Variants in TUBGCP6 observed in about 807,000 individuals in gnomAD.
TUBGCP6 encodes the protein tubulin gamma complex component 6, also known as gamma-tubulin complex component 6.
Under a neutral mutation model 175.8 loss-of-function variants are expected in TUBGCP6, and 161 were observed. The ratio of observed to expected loss-of-function variants is 0.92; its 90% confidence interval spans 0.81 to 1.04. TUBGCP6 has a LOEUF of 1.04. Among genes scored for constraint, TUBGCP6 ranks in the 50% least tolerant of loss-of-function variants. The pLI, the probability that TUBGCP6 is intolerant of heterozygous loss-of-function variation, is 0.00. For synonymous variants in TUBGCP6, 1,173 were observed against 1,030.5 expected (o/e 1.14, Z -2.65); for missense variants, 2,572 against 2,433.0 (o/e 1.06, Z -1.20).
chr22:50,238,768 A>G (rs1013937386), intron 2 of TUBGCP6, among the ~76,000 whole-genome samples: 1 of 151,936 alleles, frequency 6.6e-6, no homozygotes, highest in Non-Finnish European at 1.5e-5. Flanking sequence ...CGATCTCCTG[A>G]CCTCGTGATC....
chr22:50,235,538 GTC>G (rs1244340443), intron 2 of TUBGCP6, among the ~76,000 whole-genome samples: 2 of 152,362 alleles, frequency 1.3e-5, no homozygotes, highest in African/African-American at 4.8e-5. Context: ...ACAAAACACT[GTC>G]TCCACAGGGA....
intron 3 of TUBGCP6, among the ~76,000 whole-genome samples, chr22:50,232,801 G>C (rs2064710953): frequency 6.6e-6 from 1 of 152,222 alleles, no homozygotes; most frequent in Non-Finnish European, 1.5e-5. Flanking sequence ...AAATGAAAAA[G>C]CTGCAGAGCA....
In TUBGCP6 at chr22:50,229,356, G is replaced by A. The variant is rs756416357; in HGVS notation, c.1290+48C>T. ...TGAGATTCTCTCTTCCAGGTCGTGT[G>A]CACCGTTCTCACAAAGGTGTGTGAC... On this transcript the variant is annotated intron_variant, in intron 4 of 24. Transcript: ENST00000248846. The A allele has an allele frequency of 6.3e-6, 10 of 1,590,824 alleles. No individual in the cohort carries two copies. In the African/African-American group the frequency reaches 1.3e-4, roughly 21 times the overall value.
Position 50,228,043 on chromosome 22 carries a change from G to T in TUBGCP6, c.1291-15C>A. The T allele has an allele frequency of 6.5e-7, 1 of 1,528,924 alleles. No homozygotes were observed. Among genetic ancestry groups the T allele is most frequent in the Non-Finnish European group, 8.8e-7 (1 of 1,134,316 alleles). The allele number at this position is 1,528,924 out of a possible 1,614,324, so 94.7% of individuals were successfully genotyped here. On this transcript the variant is annotated splice_polypyrimidine_tract_variant and intron_variant, in intron 4 of 24. Transcript: ENST00000248846. The stretch of plus-strand genomic sequence containing the variant: ...CTGGTGAAGGCCTGTGGGCAAAGAG[G>T]CTGGGAGGAGGGCGGCCAGGCACAT...
intron 3 of TUBGCP6, among the ~76,000 whole-genome samples, 170 bp downstream of exon 3, chr22:50,233,146 C>T (rs1473696616): frequency 2.6e-5 from 4 of 152,208 alleles, no homozygotes; most frequent in East Asian, 1.9e-4. Flanking sequence ...TTTTTAGAAC[C>T]GAAATGGGAT....
rs187156164 is a variant in TUBGCP6 at position 50,220,132 on chromosome 22, C to T, written c.4109-117G>A. 5 of 1,549,320 alleles carry T rather than the reference C, an allele frequency of 3.2e-6. No homozygotes were observed. The Admixed American group carries it at 5.6e-5, about 17-fold the overall frequency. ...CATGTCCCCCACAGCAGCCCAGGTC[C>T]TGGCTGACAAGGAGGCCTGAGGGGA... On this transcript the variant is annotated intron_variant, in intron 16 of 24. Transcript: ENST00000248846.
Position 50,240,276 on chromosome 22 carries a change from G to A in TUBGCP6, c.833C>T (p.Pro278Leu). ...TGCGGCTTCCCACAGGTCCACGTCT[G>A]GGGTCACGCTGGGCTCAGACTGGGA... Reference protein sequence around the residue: ...PDSQSEPSVTPDVDLWEAALT... With the variant: ...PDSQSEPSVTLDVDLWEAALT... Residue 278 changes from proline (P) to leucine (L), a missense_variant, in exon 2 of 25, where the codon CCA becomes CTA. Physicochemically the swap from Pro to Leu is moderately conservative, Grantham distance 98 (BLOSUM62 -3). Transcript: ENST00000248846. The A allele has an allele frequency of 1.9e-6, 3 of 1,614,006 alleles. No homozygotes were observed. The highest frequency in any genetic ancestry group is 1.1e-5 in the South Asian group (1 of 91,072).
Position 50,229,458 on chromosome 22 carries a change from A to G in TUBGCP6, c.1236T>C (p.His412=), listed in dbSNP as rs137902113. The change falls in exon 4 of 25, where the codon CAT becomes CAC. Residue 412 remains histidine, a synonymous_variant. Transcript: ENST00000248846. The stretch of plus-strand genomic sequence containing the variant: ...AGTCCAGGACGGGCTGCAGAGAGAA[A>G]TGACTCAGGCGCGTGTAGCAGGTCC... ...EYGTCYTRLS[H]FSLQPVLDSL... The G allele has an allele frequency of 2.5e-6, 4 of 1,613,496 alleles. No homozygotes were observed. Among genetic ancestry groups the G allele is most frequent in the African/African-American group, 1.3e-5 (1 of 75,052 alleles).
chr22:50,234,847 C>T (rs936858394), intron 2 of TUBGCP6, among the ~76,000 whole-genome samples: 1 of 149,374 alleles, frequency 6.7e-6, no homozygotes, highest in African/African-American at 2.5e-5. Context: ...CACCCACACC[C>T]CTGTCCCTGG....
At chr22:50,236,667 G>A (rs1445323256) in intron 2 of TUBGCP6, among the ~76,000 whole-genome samples, 3 of 152,224 alleles carry the variant, frequency 2.0e-5, no homozygotes, top group African/African-American at 4.8e-5. Context: ...GGGGGCAGGA[G>A]GAAGGAGACC....
Position 50,225,891 on chromosome 22 carries a change from G to A in TUBGCP6, c.1886C>T (p.Ser629Phe), listed in dbSNP as rs759666124. 2 of 1,613,854 alleles carry A rather than the reference G, an allele frequency of 1.2e-6. No individual in the cohort carries two copies. The highest frequency in any genetic ancestry group is 1.7e-6 in the Non-Finnish European group (2 of 1,179,980). Residue 629 changes from serine to phenylalanine, a missense_variant, in exon 10 of 25, where the codon TCC becomes TTC. Coordinates refer to ENST00000248846, the MANE Select transcript of TUBGCP6 (RefSeq NM_020461.4). ...VPVPRISVIF[S>F]LEELKEIEKD... ...CTCAATCTCCTTCAACTCCTCAAGGGAGAAAATCACCGAGATCCGGGGGAC... is the reference window on the plus strand; with the variant it reads ...CTCAATCTCCTTCAACTCCTCAAGGAAGAAAATCACCGAGATCCGGGGGAC...
intron 2 of TUBGCP6, among the ~76,000 whole-genome samples, chr22:50,239,703 A>G (rs1312586210): frequency 6.6e-6 from 1 of 152,190 alleles, no homozygotes; most frequent in African/African-American, 2.4e-5. Flanking sequence ...ACACGGACGG[A>G]AAAGGTTCCG....
Position 50,226,054 on chromosome 22 carries a change from G to C in TUBGCP6, c.1829C>G (p.Pro610Arg). 1 of 1,614,120 alleles carries C rather than the reference G, an allele frequency of 6.2e-7. No individual in the cohort carries two copies. The highest frequency in any genetic ancestry group is 8.5e-7 in the Non-Finnish European group (1 of 1,180,038). ...CACACATGAGCCCCTCCTCACCCGGGGGCAGCAGAGCTTCAGCAGGTTAAT... is the reference window on the plus strand; with the variant it reads ...CACACATGAGCCCCTCCTCACCCGGCGGCAGCAGAGCTTCAGCAGGTTAAT... Reference protein sequence around the residue: ...KTINLLKLCCPRHYLCWSDVP... With the variant: ...KTINLLKLCCRRHYLCWSDVP... The change falls in exon 9 of 25, where the codon CCC (proline) becomes CGC (arginine). Residue 610 changes from proline (P) to arginine (R), a missense_variant. By Grantham distance (103) the Pro-to-Arg change is moderately radical. Transcript: ENST00000248846.
intron 2 of TUBGCP6, 171 bp downstream of exon 2, chr22:50,240,033 G>T (rs898364834): frequency 3.7e-5 from 32 of 868,284 alleles, no homozygotes; most frequent in East Asian, 1.3e-4. Flanking sequence ...TTTCCCCTCT[G>T]CATCTCTCTT....
intron 3 of TUBGCP6, among the ~76,000 whole-genome samples, chr22:50,231,751 C>T (rs2064696060): frequency 6.7e-6 from 1 of 148,388 alleles, no homozygotes; most frequent in African/African-American, 2.5e-5. Flanking sequence ...CCCAGCTACT[C>T]AGGGAGGCTG....
chr22:50,229,618 C>T, intron 3 of TUBGCP6, 41 bp from the exon 4 acceptor site: 1 of 1,540,532 alleles, frequency 6.5e-7, no homozygotes, highest in East Asian at 2.4e-5. Flanking sequence ...AGGCCAGGCA[C>T]CCAGACCCCC....
In TUBGCP6 at chr22:50,221,064, G is replaced by A; in HGVS notation, c.3295C>T (p.Pro1099Ser). The A allele has an allele frequency of 6.2e-7, 1 of 1,612,696 alleles. No individual in the cohort carries two copies. The highest frequency in any genetic ancestry group is 1.1e-5 in the South Asian group (1 of 90,952). Residue 1099 changes from proline to serine, a missense_variant, in exon 16 of 25, where the codon CCC becomes TCC. Physicochemically the swap from Pro to Ser is moderately conservative, Grantham distance 74. Transcript: ENST00000248846. ...SLGESVSDVA[P>S]TRPRWNIHGH... ...TGGATGTTCCACCGTGGCCGAGTGG[G>A]AGCCACATCTGACACAGACTCCCCT... is the stretch of plus-strand genomic sequence containing the variant.
intron 4 of TUBGCP6, among the ~76,000 whole-genome samples, chr22:50,228,542 G>C (rs1422558425): frequency 6.6e-6 from 1 of 152,124 alleles, no homozygotes; most frequent in Non-Finnish European, 1.5e-5. Flanking sequence ...GGGCACCCTG[G>C]ACCAATCTCA....
In TUBGCP6 at chr22:50,221,618, A is replaced by G. The variant is rs1238869708; in HGVS notation, c.2741T>C (p.Met914Thr). The change falls in exon 16 of 25, where the codon ATG becomes ACG. Residue 914 changes from methionine (M) to threonine (T), a missense_variant. Transcript: ENST00000248846. ...PGAEPSVQTGMVPLLEVALQT... is the reference protein window; with the variant it reads ...PGAEPSVQTGTVPLLEVALQT... ...CAGCGCCACCTCCAGGAGAGGGACC[A>G]TGCCAGTCTGCACGGACGGCTCAGC... 1.3e-6 allele frequency: 2 copies of G among 1,553,322 alleles called. No homozygotes were observed. Among genetic ancestry groups the G allele is most frequent in the South Asian group, 2.5e-5 (2 of 81,218 alleles).
Sources: allele counts gnomAD v4.1 joint callset (sites outside exome capture counted in the v4.1 genomes callset), GRCh38; gene constraint gnomAD v4.1.1; transcripts MANE v1.5; gene names NCBI Gene and HGNC (gene_info 2026-07-23, HGNC 2026-07-21).